The following TMEM182 variants were observed in gnomAD, a reference collection of about 807,000 sequenced individuals.
TMEM182 encodes the protein transmembrane protein 182.
Under a neutral mutation model 26.8 loss-of-function variants are expected in TMEM182, and 20 were observed. The ratio of observed to expected loss-of-function variants is 0.75; its 90% CI spans 0.53 to 1.09. The LOEUF (loss-of-function observed/expected upper bound fraction) is 1.09, where lower values mean the gene tolerates loss of function less well. Ranked by LOEUF, TMEM182 falls within the 50% of genes least tolerant of loss-of-function variation. TMEM182 has a pLI of 0.00. For missense variants in TMEM182, 277 were observed against 275.5 expected (o/e 1.01, Z -0.04); for synonymous variants, 109 against 102.2 (o/e 1.07, Z -0.40).
intron 3 of TMEM182, among the ~76,000 whole-genome samples, chr2:102,770,831 T>C (rs1680642446): frequency 6.6e-6 from 1 of 152,212 alleles, no homozygotes; most frequent in Non-Finnish European, 1.5e-5. Flanking sequence ...TGCTTTACCA[T>C]GCAAGGCAAA....
chr2:102,821,942 C>T (rs1464863873), downstream of TMEM182, among the ~76,000 whole-genome samples: 2 of 150,250 alleles, frequency 1.3e-5, no homozygotes, highest in African/African-American at 2.5e-5. Flanking sequence ...GAGCTGAGAT[C>T]GCTCCACTGC....
At chr2:102,741,166 A>G (rs139192551) in intron 1 of TMEM182, among the ~76,000 whole-genome samples, 4 of 152,344 alleles carry the variant, frequency 2.6e-5, no homozygotes, top group Non-Finnish European at 2.9e-5. Flanking sequence ...ACAGACTAGC[A>G]TATAGAATTA....
chr2:102,762,381 T>A (rs1558757278), intron 1 of TMEM182, 32 bp downstream of exon 1: 1 of 1,613,198 alleles, frequency 6.2e-7, no homozygotes, highest in Admixed American at 1.7e-5. Context: ...GTGATGCACA[T>A]GGTAGTTATG....
At chr2:102,837,592 G>A (rs1683270112) in intron 3 of TMEM182, among the ~76,000 whole-genome samples, 1 of 152,146 alleles carries the variant, frequency 6.6e-6, no homozygotes, top group Non-Finnish European at 1.5e-5. Context: ...CCTTGATAGT[G>A]CCAAGGTTCC....
intron 3 of TMEM182, among the ~76,000 whole-genome samples, chr2:102,827,505 G>C (rs906452532): frequency 3.3e-5 from 5 of 152,150 alleles, no homozygotes; most frequent in Non-Finnish European, 7.4e-5. Context: ...CTCCAGTCTG[G>C]GTTTCTGTGC....
At chr2:102,739,429 T>G (rs960923081) in intron 1 of TMEM182, among the ~76,000 whole-genome samples, 2 of 152,166 alleles carry the variant, frequency 1.3e-5, no homozygotes, top group South Asian at 2.1e-4. Context: ...CATGTCGAAT[T>G]GTAGTCCCCA....
Position 102,815,418 on chromosome 2 carries a change from A to G in TMEM182, c.*450A>G. 1.0e-6 allele frequency: 1 copy of G among 995,732 alleles called. No individual in the cohort carries two copies. The highest frequency in any genetic ancestry group is 1.2e-6 in the Non-Finnish European group (1 of 836,856). 61.7% of individuals were successfully genotyped at this position (995,732 alleles called of 1,614,324 possible). A position where few individuals can be genotyped will look rare whatever the true frequency, so the allele number is the denominator to read the frequency against. ...ATTTTGTTTCTTGCCCACACAGATAATATCCACATACACATTCACTGGCTC... is the reference window on the plus strand; with the variant it reads ...ATTTTGTTTCTTGCCCACACAGATAGTATCCACATACACATTCACTGGCTC... On this transcript the variant is annotated 3_prime_UTR_variant, in exon 5 of 5. Coordinates refer to ENST00000412401, the MANE Select transcript of TMEM182 (RefSeq NM_144632.5).
At position 102,816,534 on chromosome 2, in the gene TMEM182, T is replaced by A; in HGVS notation, c.*1566T>A. On this transcript the variant is annotated 3_prime_UTR_variant, in exon 5 of 5. Coordinates refer to ENST00000412401, the MANE Select transcript of TMEM182 (RefSeq NM_144632.5). ...CCAATAATAATAATAATAATAATAATAATAATAATAATAAAGCTCCAGAGG... is the reference window on the plus strand; with the variant it reads ...CCAATAATAATAATAATAATAATAAAAATAATAATAATAAAGCTCCAGAGG... 1 of 963,534 alleles carries A rather than the reference T, an allele frequency of 1.0e-6. No individual in the cohort carries two copies. The highest frequency in any genetic ancestry group is 1.2e-6 in the Non-Finnish European group (1 of 811,802). The allele number at this position is 963,534 out of a possible 1,614,324, so 59.7% of individuals were successfully genotyped here. A position where few individuals can be genotyped will look rare whatever the true frequency, so the allele number is the denominator to read the frequency against.
At chr2:102,840,162 A>G (rs1683321745) in intron 3 of TMEM182, among the ~76,000 whole-genome samples, 1 of 152,126 alleles carries the variant, frequency 6.6e-6, no homozygotes, top group Non-Finnish European at 1.5e-5. Context: ...AAACCCAGGA[A>G]CTTTCCAAAA....
intron 3 of TMEM182, among the ~76,000 whole-genome samples, chr2:102,827,794 C>T (rs947796788): frequency 3.9e-5 from 6 of 152,212 alleles, no homozygotes; most frequent in Admixed American, 3.3e-4. Flanking sequence ...TTGGCTAATA[C>T]GTACACTGGA....
downstream of TMEM182, among the ~76,000 whole-genome samples, chr2:102,820,093 A>C (rs1337743558): frequency 1.3e-5 from 2 of 152,142 alleles, no homozygotes; most frequent in African/African-American, 4.8e-5. Context: ...TTATTCTTTC[A>C]ATCCCCTTGC....
chr2:102,785,311 A>G (rs1377633941), intron 3 of TMEM182, among the ~76,000 whole-genome samples: 2 of 152,032 alleles, frequency 1.3e-5, no homozygotes, highest in Non-Finnish European at 2.9e-5. Context: ...CCCTTTAAGA[A>G]TCACCTCCCC....
intron 1 of TMEM182, among the ~76,000 whole-genome samples, chr2:102,740,687 C>CT (rs1679516611): frequency 6.6e-6 from 1 of 152,156 alleles, no homozygotes; most frequent in Non-Finnish European, 1.5e-5. Flanking sequence ...CACACCTACC[C>CT]TGTGACCCAA....
At chr2:102,769,008 C>T (rs546870290) in intron 3 of TMEM182, among the ~76,000 whole-genome samples, 3 of 152,102 alleles carry the variant, frequency 2.0e-5, no homozygotes, top group Non-Finnish European at 4.4e-5. Flanking sequence ...GCCAGGAACC[C>T]AGGCTCTGTC....
intron 4 of TMEM182, 36 bp from the exon 5 acceptor site, chr2:102,814,712 A>G: frequency 6.4e-7 from 1 of 1,568,774 alleles, no homozygotes; most frequent in Non-Finnish European, 8.7e-7. Context: ...AAACATCTTC[A>G]GAAAGGCTAA....
intron 3 of TMEM182, among the ~76,000 whole-genome samples, chr2:102,776,441 C>G (rs565392720): frequency 6.6e-6 from 1 of 152,268 alleles, no homozygotes; most frequent in South Asian, 2.1e-4. Context: ...AGATTGGCTT[C>G]TTTCACTTAG....
intron 1 of TMEM182, among the ~76,000 whole-genome samples, chr2:102,750,012 A>G (rs981800978): frequency 3.9e-5 from 6 of 151,978 alleles, no homozygotes; most frequent in Admixed American, 6.5e-5. Flanking sequence ...TGGCGATCAT[A>G]TTAATTAATT....
chr2:102,776,874 T>G (rs1273585585), intron 3 of TMEM182, among the ~76,000 whole-genome samples: 1 of 152,206 alleles, frequency 6.6e-6, no homozygotes, highest in Non-Finnish European at 1.5e-5. Flanking sequence ...TCTCATTGTT[T>G]TAATCTGCAA....
intron 3 of TMEM182, among the ~76,000 whole-genome samples, chr2:102,776,958 C>T (rs1449907992): frequency 6.6e-6 from 1 of 151,974 alleles, no homozygotes; most frequent in Non-Finnish European, 1.5e-5. Flanking sequence ...TTTTGTGAGG[C>T]TTCTGTTAAA....
Sources: gnomAD v4.1 joint callset for allele counts (sites outside exome capture counted in the v4.1 genomes callset) on GRCh38, gnomAD v4.1.1 for gene constraint, MANE v1.5 for transcripts, NCBI Gene and HGNC (gene_info 2026-07-23, HGNC 2026-07-21) for gene names.